PIP4K2A: variants seen among roughly 807,000 people sequenced by gnomAD.
PIP4K2A encodes the protein phosphatidylinositol-5-phosphate 4-kinase type 2 alpha, also known as phosphatidylinositol 5-phosphate 4-kinase type-2 alpha.
A neutral mutation model predicts 42.9 loss-of-function variants in PIP4K2A; 14 were observed. The observed-to-expected ratio is 0.33, with a 90% CI of 0.22 to 0.51. PIP4K2A has a LOEUF of 0.51. Ranked by LOEUF, PIP4K2A falls within the 20% of genes least tolerant of loss-of-function variation. PIP4K2A has a pLI of 0.97. For synonymous variants in PIP4K2A, 192 were observed against 192.2 expected (o/e 1.00, Z 0.01); for missense variants, 434 against 519.8 (o/e 0.83, Z 1.61).
intron 1 of PIP4K2A, among the ~76,000 whole-genome samples, chr10:22,685,534 A>AAAAC (rs949543991): frequency 2.0e-5 from 3 of 151,758 alleles, no homozygotes; most frequent in African/African-American, 7.3e-5. Flanking sequence ...TTTTCTATAA[A>AAAAC]AAACAAACAA....
chr10:22,569,077 G>C (rs1289116754), intron 5 of PIP4K2A: 62 of 1,524,366 alleles, frequency 4.1e-5, no homozygotes, highest in Non-Finnish European at 4.7e-5. Context: ...CAAAATTTTT[G>C]ATTACTGGCT....
chr10:22,662,750 G>T (rs1268659879), intron 1 of PIP4K2A, among the ~76,000 whole-genome samples: 1 of 152,056 alleles, frequency 6.6e-6, no homozygotes, highest in Non-Finnish European at 1.5e-5. Flanking sequence ...GACACCACAG[G>T]GGCAAGGAAT....
intron 3 of PIP4K2A, chr10:22,607,677 C>T (rs181995876): frequency 2.3e-5 from 6 of 260,936 alleles, no homozygotes; most frequent in Admixed American, 5.3e-5. Flanking sequence ...AAAACCCTCA[C>T]ATGCTCAGTC....
chr10:22,616,688 C>T (rs1237024698), intron 1 of PIP4K2A, among the ~76,000 whole-genome samples: 1 of 149,750 alleles, frequency 6.7e-6, no homozygotes, highest in African/African-American at 2.5e-5. Context: ...CTAAAAGATT[C>T]CTTATTTAAA....
chr10:22,627,626 A>AAAAAAAAAAAAAAAAAAAAAAAAAAAAAC, intron 1 of PIP4K2A, among the ~76,000 whole-genome samples: 1 of 129,920 alleles, frequency 7.7e-6, no homozygotes, highest in Non-Finnish European at 1.7e-5. Context: ...AAAAAAAAAA[A>AAAAAAAAAAAAAAAAAAAAAAAAAAAAAC]AAAAAGATAA....
At chr10:22,582,735 G>C (rs74628937) in intron 4 of PIP4K2A, among the ~76,000 whole-genome samples, 1 of 152,046 alleles carries the variant, frequency 6.6e-6, no homozygotes, top group Admixed American at 6.6e-5. Context: ...GAAAGGAAGG[G>C]AAGAAAGAAG....
intron 3 of PIP4K2A, among the ~76,000 whole-genome samples, chr10:22,595,991 A>G (rs1402800188): frequency 6.6e-6 from 1 of 151,988 alleles, no homozygotes; most frequent in Non-Finnish European, 1.5e-5. Flanking sequence ...AGATCACCTG[A>G]GGCTGGGAGT....
intron 6 of PIP4K2A, among the ~76,000 whole-genome samples, chr10:22,558,056 T>G (rs542742364): frequency 1.2e-3 from 184 of 152,350 alleles, no homozygotes; most frequent in African/African-American, 4.1e-3. Context: ...TGGCAACCTA[T>G]TTATTATTTT....
intron 2 of PIP4K2A, among the ~76,000 whole-genome samples, chr10:22,608,753 C>T (rs1204061271): frequency 2.0e-5 from 3 of 152,066 alleles, no homozygotes; most frequent in African/African-American, 4.8e-5. Flanking sequence ...AACCTGCACC[C>T]GTAGTCCCAG....
At chr10:22,685,321 A>G (rs1024016289) in intron 1 of PIP4K2A, among the ~76,000 whole-genome samples, 2 of 152,212 alleles carry the variant, frequency 1.3e-5, no homozygotes, top group Admixed American at 6.5e-5. Flanking sequence ...ATACTAAAAA[A>G]TTTCAGAAGA....
At chr10:22,645,343 T>C (rs1162425673) in intron 1 of PIP4K2A, among the ~76,000 whole-genome samples, 1 of 152,082 alleles carries the variant, frequency 6.6e-6, no homozygotes, top group Admixed American at 6.5e-5. Flanking sequence ...CCCAGGAGTT[T>C]CAGACCAGCT....
chr10:22,656,326 A>G (rs1431635280), intron 1 of PIP4K2A, among the ~76,000 whole-genome samples: 2 of 151,968 alleles, frequency 1.3e-5, no homozygotes, highest in Admixed American at 6.6e-5. Context: ...AACTGTGCCT[A>G]AAAAAAATAA....
chr10:22,565,665 T>C (rs1235952924), intron 6 of PIP4K2A, among the ~76,000 whole-genome samples: 2 of 152,322 alleles, frequency 1.3e-5, no homozygotes, highest in South Asian at 2.1e-4. Flanking sequence ...CAGCAATTGT[T>C]CAGGGAATAA....
chr10:22,679,395 TAAG>T (rs1001113395), intron 1 of PIP4K2A, among the ~76,000 whole-genome samples: 2 of 152,192 alleles, frequency 1.3e-5, no homozygotes, highest in Non-Finnish European at 2.9e-5. Flanking sequence ...AGGATGGCTA[TAAG>T]AAGAAGGACA....
chr10:22,657,105 G>A (rs919810877), intron 1 of PIP4K2A, among the ~76,000 whole-genome samples: 1 of 152,106 alleles, frequency 6.6e-6, no homozygotes, highest in African/African-American at 2.4e-5. Flanking sequence ...CTTTATATCT[G>A]CCCCAACATC....
chr10:22,591,524 G>GT, intron 4 of PIP4K2A, 105 bp downstream of exon 4: 1 of 883,092 alleles, frequency 1.1e-6, no homozygotes, highest in Non-Finnish European at 1.7e-6. Context: ...TGTGAAATGT[G>GT]TTCTTCTTGT....
intron 1 of PIP4K2A, among the ~76,000 whole-genome samples, chr10:22,644,360 G>T (rs552804792): frequency 1.3e-5 from 2 of 152,132 alleles, no homozygotes; most frequent in Admixed American, 6.5e-5. Flanking sequence ...TGCAGATGGC[G>T]GCAAAGCCTC....
At chr10:22,703,287 T>C (rs1833751044) in intron 1 of PIP4K2A, among the ~76,000 whole-genome samples, 2 of 152,092 alleles carry the variant, frequency 1.3e-5, no homozygotes, top group Admixed American at 6.6e-5. Flanking sequence ...TGCACACCTG[T>C]AGTCCCAGCT....
intron 5 of PIP4K2A, 92 bp from the exon 6 acceptor site, chr10:22,567,981 A>C (rs907445455): frequency 9.0e-7 from 1 of 1,113,254 alleles, no homozygotes; most frequent in African/African-American, 1.5e-5. Context: ...CGGAGCAGAG[A>C]GCCAGCTCAG....
Sources: allele counts gnomAD v4.1 joint callset (sites outside exome capture counted in the v4.1 genomes callset), GRCh38; gene constraint gnomAD v4.1.1; transcripts MANE v1.5; gene names NCBI Gene and HGNC (gene_info 2026-07-23, HGNC 2026-07-21).